The following MSRA variants were observed in gnomAD, a reference collection of about 807,000 sequenced individuals.
MSRA encodes mitochondrial peptide methionine sulfoxide reductase.
In MSRA, 54 loss-of-function variants were observed where a neutral mutation model predicts 31.3. The ratio of observed to expected loss-of-function variants is 1.73; its 90% CI spans 1.39 to 2.17. MSRA has a LOEUF of 2.17. MSRA is among the 30% of genes most tolerant of loss of function. The pLI, the probability that MSRA is intolerant of heterozygous loss-of-function variation, is 0.00. For synonymous variants in MSRA, 169 were observed against 116.5 expected, an observed-to-expected ratio of 1.45 and a Z score of -2.90; for missense variants, 507 against 300.9, an observed-to-expected ratio of 1.69 and a Z score of -5.07.
At chr8:10,245,315 G>T in intron 3 of MSRA, 92 bp downstream of exon 3, 4 of 1,216,770 alleles carry the variant, frequency 3.3e-6, no homozygotes, top group Non-Finnish European at 4.6e-6. Context: ...ATGGAAATAT[G>T]TTTTTTTAAA....
chr8:10,078,796 T>A (rs898378082), intron 1 of MSRA, among the ~76,000 whole-genome samples: 18 of 152,238 alleles, frequency 1.2e-4, no homozygotes, highest in African/African-American at 3.9e-4. Context: ...TCTCCCTGTT[T>A]CTCTTTGCCT....
intron 4 of MSRA, among the ~76,000 whole-genome samples, chr8:10,317,227 G>A (rs762418057): frequency 2.6e-5 from 4 of 152,152 alleles, no homozygotes; most frequent in Non-Finnish European, 5.9e-5. Context: ...TAACTCCTGG[G>A]ACCTCGTAAA....
rs1024381762 is a variant in MSRA, at chr8:10,295,542, A to T, written c.332-5992A>T. ...GCAGGCCGAGCTGCTCTTGGTTCTG[A>T]CGGCTCTGCTCGGCCTCCCTCCCAA... On this transcript the variant is annotated intron_variant, in intron 3 of 5. Transcript: ENST00000317173. Among the ~76,000 whole-genome samples the T allele has an allele frequency of 5.8e-4, 88 of 152,048 alleles. 1 individual carries two copies. Among genetic ancestry groups the T allele is most frequent in the Non-Finnish European group, 1.5e-5 (1 of 68,012 alleles).
intron 4 of MSRA, among the ~76,000 whole-genome samples, chr8:10,318,657 G>T (rs140926214): frequency 1.3e-5 from 2 of 152,078 alleles, no homozygotes; most frequent in East Asian, 3.9e-4. Context: ...CAAATATTTC[G>T]TTTGTTTTGT....
At chr8:10,211,624 C>G (rs994569573) in intron 2 of MSRA, among the ~76,000 whole-genome samples, 1 of 152,092 alleles carries the variant, frequency 6.6e-6, no homozygotes, top group African/African-American at 2.4e-5. Context: ...GAGCGCCCGC[C>G]CTGTGTAGTG....
chr8:10,408,210 C>T (rs1326059839), intron 5 of MSRA, among the ~76,000 whole-genome samples: 4 of 152,110 alleles, frequency 2.6e-5, no homozygotes, highest in Admixed American at 6.5e-5. Context: ...TCATTAGCAC[C>T]ACTCTGACTT....
At chr8:10,148,717 G>T (rs1010344074) in intron 1 of MSRA, among the ~76,000 whole-genome samples, 7 of 143,562 alleles carry the variant, frequency 4.9e-5, no homozygotes, top group African/African-American at 1.7e-4. Flanking sequence ...CAGGAGGATT[G>T]CTTGAACCCA....
At chr8:10,423,037 G>A (rs557339755) in intron 5 of MSRA, among the ~76,000 whole-genome samples, 2 of 152,200 alleles carry the variant, frequency 1.3e-5, no homozygotes, top group Non-Finnish European at 2.9e-5. Context: ...ACTGTCACGG[G>A]TGCAGCCTCC....
chr8:10,411,378 T>A (rs1471928343), intron 5 of MSRA: 1 of 152,238 alleles, frequency 6.6e-6, no homozygotes, highest in Admixed American at 6.5e-5. Context: ...TCACTGCGTA[T>A]TCTTAACCAT....
chr8:10,095,873 G>C (rs1177939907), intron 1 of MSRA: 3 of 1,277,404 alleles, frequency 2.3e-6, no homozygotes, highest in Non-Finnish European at 3.0e-6. Flanking sequence ...TACTATATTT[G>C]ATTTTTTGCA....
chr8:10,137,946 T>A (rs754239119), intron 1 of MSRA, among the ~76,000 whole-genome samples: 1 of 152,186 alleles, frequency 6.6e-6, no homozygotes, highest in Non-Finnish European at 1.5e-5. Flanking sequence ...GTATTTTTCA[T>A]AGAAGGAAAC....
At chr8:10,353,827 A>C (rs1351929181) in intron 5 of MSRA, 5 of 268,636 alleles carry the variant, frequency 1.9e-5, no homozygotes, top group African/African-American at 6.8e-5. Context: ...AAATAACAAG[A>C]CATTTTACCA....
chr8:10,305,143 G>T (rs1358205695), intron 4 of MSRA, among the ~76,000 whole-genome samples: 1 of 152,072 alleles, frequency 6.6e-6, no homozygotes, highest in African/African-American at 2.4e-5. Flanking sequence ...AAATTTTTTT[G>T]GTTATAATTC....
At chr8:10,163,541 T>G (rs115363966) in intron 1 of MSRA, among the ~76,000 whole-genome samples, 3,404 of 152,284 alleles carry the variant, frequency 0.022, 116 homozygotes, top group African/African-American at 0.077. Flanking sequence ...ACCTTGTGCC[T>G]TCGTAGAGAA....
chr8:10,228,187 C>A lies in MSRA; in HGVS notation c.212-16917C>A, dbSNP rs137857674. Among the ~76,000 whole-genome samples the A allele has an allele frequency of 4.3e-4, 65 of 152,224 alleles. No homozygotes were observed. The East Asian group carries it at 0.012, about 28-fold the overall frequency. ...ATTTCTGGTCTCTGCCTATGTTCCA[C>A]CTTCTGATCAAGGACCTACAGCTAT... On this transcript the variant is annotated intron_variant, in intron 2 of 5. Coordinates refer to ENST00000317173, the MANE Select transcript of MSRA (RefSeq NM_012331.5).
intron 1 of MSRA, among the ~76,000 whole-genome samples, chr8:10,188,212 T>A (rs1563197536): frequency 1.3e-5 from 2 of 152,362 alleles, no homozygotes; most frequent in East Asian, 3.9e-4. Context: ...TGTAATACTT[T>A]TAAATACAGA....
chr8:10,267,297 A>T (rs539992830), intron 3 of MSRA, among the ~76,000 whole-genome samples: 140 of 152,262 alleles, frequency 9.2e-4, no homozygotes, highest in Non-Finnish European at 1.7e-3. Flanking sequence ...CCAAGAGAGA[A>T]GTTTGTTTGG....
chr8:10,100,151 C>T (rs537949557), intron 1 of MSRA, among the ~76,000 whole-genome samples: 11 of 152,222 alleles, frequency 7.2e-5, no homozygotes, highest in East Asian at 1.9e-4. Context: ...CAACCGCAGG[C>T]GTTGAGAGGG....
At chr8:10,067,273 G>T (rs1227690644) in intron 1 of MSRA, among the ~76,000 whole-genome samples, 1 of 152,098 alleles carries the variant, frequency 6.6e-6, no homozygotes, top group East Asian at 1.9e-4. Context: ...GAATTATATA[G>T]TATATAGCCT....
Sources: allele counts gnomAD v4.1 joint callset (sites outside exome capture counted in the v4.1 genomes callset), GRCh38; gene constraint gnomAD v4.1.1; transcripts MANE v1.5; gene names NCBI Gene and HGNC (gene_info 2026-07-23, HGNC 2026-07-21).